Variants in LACC1 observed in about 807,000 individuals in gnomAD.
The protein encoded by LACC1 is purine nucleoside phosphorylase LACC1.
LACC1 carries 25 observed loss-of-function variants against 34.8 expected under a neutral mutation model. That is an observed-to-expected ratio of 0.72 (90% CI 0.52 to 1.00). The LOEUF (loss-of-function observed/expected upper bound fraction) is 1.00, where lower values mean the gene tolerates loss of function less well. LACC1 is among the 50% of genes least tolerant of loss of function. The pLI is 0.00. For synonymous variants in LACC1, 162 were observed against 168.0 expected, an observed-to-expected ratio of 0.96 and a Z score of 0.28; for missense variants, 426 against 511.2, an observed-to-expected ratio of 0.83 and a Z score of 1.61.
In LACC1 at chr13:43,893,502, T is replaced by TA. The variant is rs937520655; in HGVS notation, c.*2061dup. 2.0e-5 allele frequency: 3 copies of TA among 151,990 alleles called. No individual in the cohort carries two copies. Among genetic ancestry groups the TA allele is most frequent in the Admixed American group, 6.5e-5 (1 of 15,270 alleles). 9.4% of individuals were successfully genotyped at this position (151,990 alleles called of 1,614,324 possible). On this transcript the variant is annotated 3_prime_UTR_variant, in exon 7 of 7. Coordinates refer to ENST00000325686, the MANE Select transcript of LACC1 (RefSeq NM_153218.4). ...ATTTTGTTGAGGTACTGGGACAGGT[T>TA]AAAAAATACAGTTGTAGCCCTCAGG... is the stretch of plus-strand genomic sequence containing the variant.
intron 1 of LACC1, among the ~76,000 whole-genome samples, chr13:43,880,486 A>T (rs1245264677): frequency 1.3e-5 from 2 of 152,210 alleles, no homozygotes; most frequent in African/African-American, 2.4e-5. Context: ...TCTATTAGCC[A>T]TCTCAGCTTT....
intron 4 of LACC1, among the ~76,000 whole-genome samples, chr13:43,884,310 A>G (rs1018706336): frequency 3.3e-5 from 5 of 152,198 alleles, no homozygotes; most frequent in Non-Finnish European, 7.3e-5. Flanking sequence ...TAGTTACTGT[A>G]ATAACCAAGA....
intron 4 of LACC1, among the ~76,000 whole-genome samples, chr13:43,888,228 T>C (rs1307831257): frequency 6.6e-6 from 1 of 152,168 alleles, no homozygotes; most frequent in Non-Finnish European, 1.5e-5. Context: ...TTCACTTATA[T>C]GATATACCTA....
rs369638343 is a variant in LACC1, at chr13:43,880,952, G to A, written c.-34G>A. On this transcript the variant is annotated splice_region_variant and 5_prime_UTR_variant, in exon 2 of 7. It adds an upstream start codon to the 5' untranslated region. Coordinates refer to ENST00000325686, the MANE Select transcript of LACC1 (RefSeq NM_153218.4). ...TTCTTACACTAATTTTTATTTGCAG[G>A]TGATTTATTTGGCATAAAAGTATTC... 7 of 1,509,094 alleles carry A rather than the reference G, an allele frequency of 4.6e-6. No individual in the cohort carries two copies. Among genetic ancestry groups the A allele is most frequent in the Non-Finnish European group, 5.4e-6 (6 of 1,108,590 alleles). The allele number at this position is 1,509,094 out of a possible 1,614,324, so 93.5% of individuals were successfully genotyped here.
At chr13:43,882,411 T>G in intron 3 of LACC1, 48 bp downstream of exon 3, 1 of 1,439,740 alleles carries the variant, frequency 6.9e-7, no homozygotes, top group Non-Finnish European at 9.5e-7. Flanking sequence ...TATTTTTTAC[T>G]TTGCTAGTAA....
intron 4 of LACC1, 89 bp downstream of exon 4, chr13:43,884,025 G>GTTAA (rs1341209006): frequency 2.2e-5 from 24 of 1,076,644 alleles, no homozygotes; most frequent in Non-Finnish European, 3.2e-5. Flanking sequence ...ATGGCAAACA[G>GTTAA]TTAATTACAT....
intron 4 of LACC1, among the ~76,000 whole-genome samples, chr13:43,884,919 G>A (rs948782309): frequency 6.6e-6 from 1 of 152,014 alleles, no homozygotes; most frequent in African/African-American, 2.4e-5. Context: ...TACTTCTTAG[G>A]TTCGAAAACA....
rs191715870 is a variant in LACC1, at chr13:43,887,752, T to C, written c.908-1005T>C. ...CGCAAATCAAAACCACAGTGAAATA[T>C]CACCCCACATCCATTAGGATGGCTA... On this transcript the variant is annotated intron_variant, in intron 4 of 6. Coordinates refer to ENST00000325686, the MANE Select transcript of LACC1 (RefSeq NM_153218.4). 3.4e-4 allele frequency among the ~76,000 whole-genome samples: 52 copies of C among 152,216 alleles called. No individual in the cohort carries two copies. In the East Asian group the frequency reaches 8.5e-3, roughly 25 times the overall value.
At chr13:43,882,041 C>A in intron 2 of LACC1, 144 bp from the exon 3 acceptor site, 1 of 580,550 alleles carries the variant, frequency 1.7e-6, no homozygotes. Context: ...AAGCAGAATG[C>A]CATAAGAACA....
chr13:43,883,972 C>T (rs745695672), intron 4 of LACC1, 36 bp downstream of exon 4: 2 of 1,560,084 alleles, frequency 1.3e-6, no homozygotes, highest in African/African-American at 2.7e-5. Context: ...GAATTTTACT[C>T]ATTTTGTTGT....
intron 5 of LACC1, 99 bp downstream of exon 5, chr13:43,889,081 G>A: frequency 4.2e-6 from 4 of 942,332 alleles, no homozygotes; most frequent in South Asian, 3.0e-5. Flanking sequence ...GAAGAATTTA[G>A]GTGGTGGTTA....
At position 43,893,186 on chromosome 13, in the gene LACC1, T is replaced by G. The variant is rs1280741352; in HGVS notation, c.*1739T>G. The G allele has an allele frequency of 6.6e-6, 1 of 152,146 alleles. No individual in the cohort carries two copies. The highest frequency in any genetic ancestry group is 1.5e-5 in the Non-Finnish European group (1 of 67,922). 9.4% of individuals were successfully genotyped at this position (152,146 alleles called of 1,614,324 possible). A position where few individuals can be genotyped will look rare whatever the true frequency, so the allele number is the denominator to read the frequency against. On this transcript the variant is annotated 3_prime_UTR_variant, in exon 7 of 7. Coordinates refer to ENST00000325686, the MANE Select transcript of LACC1 (RefSeq NM_153218.4). ...CCTACATGTATATGTGGTAGCATGA[T>G]AGCAAATAACATTTGTTTGGTATTT...
At chr13:43,890,308 C>A (rs945720792) in intron 6 of LACC1, 34 bp downstream of exon 6, 1 of 1,565,628 alleles carries the variant, frequency 6.4e-7, no homozygotes, top group East Asian at 2.3e-5. Context: ...CTCCGTTTTT[C>A]CTCTCTTTCA....
chr13:43,882,125 A>G, intron 2 of LACC1, 60 bp from the exon 3 acceptor site: 1 of 1,341,646 alleles, frequency 7.5e-7, no homozygotes, highest in Non-Finnish European at 1.0e-6. Flanking sequence ...GGGAAGGTCT[A>G]ATTGAGAGAC....
chr13:43,879,736 T>TGGGTG (rs1185667438), upstream of LACC1: 7,201 of 132,374 alleles, frequency 0.054, 538 homozygotes, highest in Non-Finnish European at 0.076. Flanking sequence ...CGCGGCGAGG[T>TGGGTG]AGGTGAGGTG....
chr13:43,881,747 C>T (rs1955069378), intron 2 of LACC1, among the ~76,000 whole-genome samples, 200 bp downstream of exon 2: 1 of 152,112 alleles, frequency 6.6e-6, no homozygotes, highest in Admixed American at 6.5e-5. Flanking sequence ...TTCAAAGCCA[C>T]CCCAAATAAA....
intron 4 of LACC1, among the ~76,000 whole-genome samples, chr13:43,885,672 A>T (rs1211114966): frequency 6.6e-6 from 1 of 152,232 alleles, no homozygotes; most frequent in Admixed American, 6.5e-5. Flanking sequence ...AAACCTAGGA[A>T]ATGCCATTCT....
chr13:43,885,762 C>A (rs1287093284), intron 4 of LACC1, among the ~76,000 whole-genome samples: 1 of 151,916 alleles, frequency 6.6e-6, no homozygotes, highest in Non-Finnish European at 1.5e-5. Context: ...TCAAGTGGGA[C>A]CCAATTAAAC....
At chr13:43,880,909 G>A in intron 1 of LACC1, 43 bp from the exon 2 acceptor site, 4 of 1,251,698 alleles carry the variant, frequency 3.2e-6, no homozygotes, top group Non-Finnish European at 4.4e-6. Flanking sequence ...GTAACTATAA[G>A]ATTTATATAA....
Sources: allele counts gnomAD v4.1 joint callset (sites outside exome capture counted in the v4.1 genomes callset), GRCh38; gene constraint gnomAD v4.1.1; transcripts MANE v1.5; gene names NCBI Gene and HGNC (gene_info 2026-07-23, HGNC 2026-07-21).